Variants in PACSIN2 observed in about 807,000 individuals in gnomAD.
PACSIN2 encodes protein kinase C and casein kinase substrate in neurons protein 2.
In PACSIN2, 25 loss-of-function variants were observed where a neutral mutation model predicts 63.8. That is an observed-to-expected ratio of 0.39 (90% CI 0.29 to 0.55). PACSIN2 has a LOEUF of 0.55. PACSIN2 is among the 20% of genes least tolerant of loss of function. PACSIN2 has a pLI of 0.62. For missense variants in PACSIN2, 518 were observed against 646.9 expected (o/e 0.80, Z 2.16); for synonymous variants, 255 against 256.2 (o/e 1.00, Z 0.05).
At chr22:42,903,839 G>A (rs2146701487) in intron 2 of PACSIN2, among the ~76,000 whole-genome samples, 1 of 152,240 alleles carries the variant, frequency 6.6e-6, no homozygotes, top group East Asian at 1.9e-4. Flanking sequence ...TCAACTTGGG[G>A]TTTTCAGTTC....
At chr22:42,944,272 G>A (rs1187342155) in intron 1 of PACSIN2, among the ~76,000 whole-genome samples, 3 of 152,140 alleles carry the variant, frequency 2.0e-5, no homozygotes, top group African/African-American at 7.2e-5. Flanking sequence ...ATTTGTGTTA[G>A]GCTAAGTCTC....
intron 1 of PACSIN2, among the ~76,000 whole-genome samples, chr22:42,992,700 C>T (rs1221017285): frequency 6.6e-6 from 1 of 152,196 alleles, no homozygotes; most frequent in East Asian, 1.9e-4. Context: ...TTTGTGATTA[C>T]ACCAAGTGGA....
chr22:42,970,223 C>T (rs1209315007), intron 1 of PACSIN2, among the ~76,000 whole-genome samples: 1 of 152,204 alleles, frequency 6.6e-6, no homozygotes, highest in Non-Finnish European at 1.5e-5. Context: ...AGTAAACCCG[C>T]AAGGTTAACA....
intron 1 of PACSIN2, among the ~76,000 whole-genome samples, chr22:42,923,260 G>T (rs969954431): frequency 6.6e-6 from 1 of 152,048 alleles, no homozygotes; most frequent in South Asian, 2.1e-4. Flanking sequence ...TTAACAATCC[G>T]ACTTCAGTCT....
chr22:42,879,961 C>A (rs78194212), intron 7 of PACSIN2, among the ~76,000 whole-genome samples: 68 of 152,260 alleles, frequency 4.5e-4, no homozygotes, highest in Admixed American at 9.8e-4. Flanking sequence ...CACGAGTTCT[C>A]GGGTGGCGAA....
At chr22:42,961,266 T>C (rs749883576) in intron 1 of PACSIN2, among the ~76,000 whole-genome samples, 1 of 152,172 alleles carries the variant, frequency 6.6e-6, no homozygotes, top group Non-Finnish European at 1.5e-5. Context: ...CAAAACGAAG[T>C]AGGTTAAAAA....
At chr22:42,988,160 A>T (rs1258517519) in intron 1 of PACSIN2, among the ~76,000 whole-genome samples, 1 of 152,190 alleles carries the variant, frequency 6.6e-6, no homozygotes, top group Admixed American at 6.5e-5. Context: ...ATAAATACAT[A>T]AATGCCTGTT....
At chr22:42,872,738 C>T (rs1216571373) in intron 10 of PACSIN2, among the ~76,000 whole-genome samples, 1 of 152,248 alleles carries the variant, frequency 6.6e-6, no homozygotes, top group African/African-American at 2.4e-5. Flanking sequence ...TGTTAAGACA[C>T]TAAAGAACCC....
chr22:42,910,456 G>A (rs924432463), intron 2 of PACSIN2, among the ~76,000 whole-genome samples: 18 of 152,180 alleles, frequency 1.2e-4, no homozygotes, highest in Non-Finnish European at 1.2e-4. Context: ...GCCTCTCTGG[G>A]GGGGCCAGCC....
At chr22:42,982,303 G>A (rs1389667396) in intron 1 of PACSIN2, among the ~76,000 whole-genome samples, 6 of 81,666 alleles carry the variant, frequency 7.3e-5, no homozygotes, top group Non-Finnish European at 1.4e-4. Context: ...GGTGAGGGGC[G>A]CTTCTGCCCG....
chr22:42,877,851 C>T (rs774687396), intron 8 of PACSIN2, among the ~76,000 whole-genome samples: 1 of 152,234 alleles, frequency 6.6e-6, no homozygotes, highest in African/African-American at 2.4e-5. Flanking sequence ...AGACCAGGGC[C>T]TCAGGGCACA....
intron 1 of PACSIN2, among the ~76,000 whole-genome samples, chr22:42,965,374 C>T (rs563776281): frequency 1.6e-4 from 25 of 152,014 alleles, no homozygotes; most frequent in Non-Finnish European, 3.2e-4. Context: ...TGTCAAAGCT[C>T]CTAAAAGGAT....
chr22:43,006,591 G>A (rs1056537808), intron 1 of PACSIN2, among the ~76,000 whole-genome samples: 3 of 152,182 alleles, frequency 2.0e-5, no homozygotes, highest in African/African-American at 7.2e-5. Context: ...GAGGCAGGCG[G>A]GCCGTTTGAG....
At chr22:42,939,482 T>C (rs1487914035) in intron 1 of PACSIN2, among the ~76,000 whole-genome samples, 5 of 152,204 alleles carry the variant, frequency 3.3e-5, no homozygotes, top group African/African-American at 1.2e-4. Flanking sequence ...AGTGACGCAG[T>C]TAGAGCAGGC....
chr22:42,876,217 G>GCGT lies in PACSIN2; in HGVS notation c.1265_1267dup (p.Asp422dup). 3 of 1,614,228 alleles carry GCGT rather than the reference G, an allele frequency of 1.9e-6. No homozygotes were observed. Among genetic ancestry groups the GCGT allele is most frequent in the Non-Finnish European group, 1.7e-6 (2 of 1,180,042 alleles). On this transcript the variant is annotated inframe_insertion, in exon 10 of 11. Coordinates refer to ENST00000263246, the MANE Select transcript of PACSIN2 (RefSeq NM_001184970.3). Reference sequence around the variant, plus strand: ...GACTCGCACTTCCGTCCCCGAGGTGGCGTCGTCGTCGAATGGATTCGAGTC... The same window carrying GCGT: ...GACTCGCACTTCCGTCCCCGAGGTGGCGTCGTCGTCGTCGAATGGATTCGAGTC...
At chr22:42,936,059 A>AG (rs1932906697) in intron 1 of PACSIN2, among the ~76,000 whole-genome samples, 1 of 152,104 alleles carries the variant, frequency 6.6e-6, no homozygotes, top group East Asian at 1.9e-4. Context: ...TAAAAAAAAT[A>AG]CAAAAAATTA....
chr22:42,982,888 A>AAACC (rs1922315203), intron 1 of PACSIN2, among the ~76,000 whole-genome samples: 1 of 105,158 alleles, frequency 9.5e-6, no homozygotes, highest in Admixed American at 1.1e-4. Flanking sequence ...AAAAAAAAAA[A>AAACC]AACAACAACA....
chr22:42,942,508 G>T (rs1015865392), intron 1 of PACSIN2, among the ~76,000 whole-genome samples: 1 of 151,626 alleles, frequency 6.6e-6, no homozygotes, highest in East Asian at 1.9e-4. Context: ...TTTTTTAAAC[G>T]TTTTTTTAAT....
In PACSIN2 at chr22:42,888,666, T is replaced by G; in HGVS notation, c.586A>C (p.Lys196Gln). The G allele has an allele frequency of 1.9e-6, 3 of 1,614,212 alleles. No individual in the cohort carries two copies. Among genetic ancestry groups the G allele is most frequent in the Non-Finnish European group, 2.5e-6 (3 of 1,180,020 alleles). The change falls in exon 5 of 11, where the codon AAG becomes CAG. Residue 196 changes from lysine (K) to glutamine (Q), a missense_variant. By Grantham distance (53) the Lys-to-Gln change is moderately conservative. Transcript: ENST00000263246. Reference protein sequence around the residue: ...QLKKLQDKIEKCKQDVLKTKE... With the variant: ...QLKKLQDKIEQCKQDVLKTKE... Reference sequence around the variant, plus strand: ...ACCTTAAGAACATCTTGCTTGCACTTTTCTATTTTGTCTTGCAATTTCTTG... The same window carrying G: ...ACCTTAAGAACATCTTGCTTGCACTGTTCTATTTTGTCTTGCAATTTCTTG...
Sources: allele counts gnomAD v4.1 joint callset (sites outside exome capture counted in the v4.1 genomes callset), GRCh38; gene constraint gnomAD v4.1.1; transcripts MANE v1.5; gene names NCBI Gene and HGNC (gene_info 2026-07-23, HGNC 2026-07-21).